Variants in RRM2 observed in about 807,000 individuals in gnomAD.
RRM2 encodes the protein ribonucleoside-diphosphate reductase subunit M2.
RRM2 carries 6 observed loss-of-function variants against 45.9 expected under a neutral mutation model. That is an observed-to-expected ratio of 0.13 (90% confidence interval 0.07 to 0.26). The LOEUF (loss-of-function observed/expected upper bound fraction) is 0.26, where lower values mean the gene tolerates loss of function less well. Ranked by LOEUF, RRM2 falls within the 10% of genes least tolerant of loss-of-function variation. The pLI, the probability that RRM2 is intolerant of heterozygous loss-of-function variation, is 1.00. For synonymous variants in RRM2, 177 were observed against 173.0 expected (o/e 1.02, Z -0.18); for missense variants, 343 against 489.5 (o/e 0.70, Z 2.82).
At chr2:10,210,481 A>G (rs1364218653) in exon 4 of RRM2, 1 of 1,367,864 alleles carries the variant, frequency 7.3e-7, no homozygotes, top group South Asian at 1.1e-5. Flanking sequence ...GTGGGAACTC[A>G]CCAAGAATGC....
intron 3 of RRM2, among the ~76,000 whole-genome samples, chr2:10,148,172 A>G (rs917755594): frequency 4.7e-5 from 7 of 149,034 alleles, no homozygotes; most frequent in Admixed American, 1.3e-4. Flanking sequence ...AAAAAAAAAA[A>G]AGAAATCAGA....
upstream of RRM2, among the ~76,000 whole-genome samples, chr2:10,140,172 G>A (rs1349917491): frequency 8.5e-5 from 13 of 152,250 alleles, no homozygotes; most frequent in African/African-American, 1.7e-4. Context: ...GCGTGAATCC[G>A]GGAGGCGGAG....
chr2:10,125,202 G>A (rs1012377486), intron 5 of RRM2, among the ~76,000 whole-genome samples: 3 of 152,206 alleles, frequency 2.0e-5, no homozygotes, highest in Admixed American at 6.5e-5. Context: ...TGGGATGGAC[G>A]GGGAGGACTT....
chr2:10,131,000 TGAG>T lies in RRM2; in HGVS notation c.*1615_*1617del, dbSNP rs1411061886. On this transcript the variant is annotated 3_prime_UTR_variant, in exon 10 of 10. Transcript: ENST00000304567. ...AGCTGAGACATTGCATGAAAGATGA[TGAG>T]AGATAAATGTTGATCTTTTGGCCCC... 1 of 152,236 alleles carries T rather than the reference TGAG, an allele frequency of 6.6e-6. No individual in the cohort carries two copies. The highest frequency in any genetic ancestry group is 1.5e-5 in the Non-Finnish European group (1 of 68,044). 9.4% of individuals were successfully genotyped at this position (152,236 alleles called of 1,614,324 possible). A position where few individuals can be genotyped will look rare whatever the true frequency, so the allele number is the denominator to read the frequency against.
chr2:10,138,840 G>T (rs1663033422), upstream of RRM2, among the ~76,000 whole-genome samples: 1 of 151,900 alleles, frequency 6.6e-6, no homozygotes, highest in African/African-American at 2.4e-5. Context: ...AGGCGTGGTG[G>T]CTCACGCCTG....
At position 10,197,570 on chromosome 2, in the gene RRM2, A is replaced by AT. The variant is rs1231280047; in HGVS notation, n.483-12740dup. On this transcript the variant is annotated intron_variant and non_coding_transcript_variant, in intron 3 of 3. Coordinates refer to the RRM2 transcript ENST00000381786. ...TGGATGGGTGCACCTGTGGGTGGCCATACCTGCGGGGCGGGCACACCTGCA... is the reference window on the plus strand; with the variant it reads ...TGGATGGGTGCACCTGTGGGTGGCCATTACCTGCGGGGCGGGCACACCTGCA... Among the ~76,000 whole-genome samples, 4 of 151,850 alleles carry AT rather than the reference A, an allele frequency of 2.6e-5. 1 individual carries two copies. Among genetic ancestry groups the AT allele is most frequent in the Middle Eastern group, 6.8e-3 (2 of 294 alleles).
chr2:10,152,017 C>T (rs980314420), intron 3 of RRM2, among the ~76,000 whole-genome samples: 2 of 151,856 alleles, frequency 1.3e-5, no homozygotes, highest in Non-Finnish European at 2.9e-5. Context: ...GGCCCCATCT[C>T]GGCTCACTGC....
rs1261362501 is a variant in RRM2 at position 10,124,910 on chromosome 2, C to T, written c.569+60C>T. On this transcript the variant is annotated intron_variant, in intron 5 of 9. Transcript: ENST00000304567. ...ACTCACTAATTGTTGATTTATTACACATTTTTAGTTCACCTAGGGATAAAA... is the reference window on the plus strand; with the variant it reads ...ACTCACTAATTGTTGATTTATTACATATTTTTAGTTCACCTAGGGATAAAA... 2.0e-6 allele frequency: 3 copies of T among 1,486,484 alleles called. No homozygotes were observed. In the Admixed American group the frequency reaches 5.7e-5, roughly 28 times the overall value. 92.1% of individuals were successfully genotyped at this position (1,486,484 alleles called of 1,614,324 possible).
chr2:10,189,150 C>G (rs1664231388), intron 3 of RRM2, among the ~76,000 whole-genome samples: 1 of 152,254 alleles, frequency 6.6e-6, no homozygotes, highest in African/African-American at 2.4e-5. Flanking sequence ...CTGTCTGGCC[C>G]CAGAACACAC....
intron 3 of RRM2, among the ~76,000 whole-genome samples, chr2:10,194,491 C>T (rs1485672347): frequency 1.3e-5 from 2 of 152,198 alleles, no homozygotes; most frequent in Non-Finnish European, 2.9e-5. Context: ...TAGGCCTGTG[C>T]AGGGCAGGTT....
intron 3 of RRM2, among the ~76,000 whole-genome samples, chr2:10,151,312 TTTG>T (rs3034275): frequency 0.62 from 89,246 of 143,942 alleles, 28,190 homozygotes; most frequent in African/African-American, 0.68. Context: ...TTTTTTTTTT[TTTG>T]TAGACAGAGT....
chr2:10,179,585 T>C (rs1664001308), intron 3 of RRM2, among the ~76,000 whole-genome samples: 1 of 152,230 alleles, frequency 6.6e-6, no homozygotes, highest in African/African-American at 2.4e-5. Context: ...GGTTGTGTGG[T>C]ATTTGCCTCA....
At chr2:10,125,443 C>T (rs1433395047) in intron 5 of RRM2, among the ~76,000 whole-genome samples, 1 of 152,072 alleles carries the variant, frequency 6.6e-6, no homozygotes, top group Non-Finnish European at 1.5e-5. Context: ...CGGTGGTTCT[C>T]GCCTGTAATC....
intron 3 of RRM2, chr2:10,155,201 G>A: frequency 3.4e-6 from 1 of 291,402 alleles, no homozygotes; most frequent in Admixed American, 4.0e-5. Context: ...CTTGATTCAG[G>A]GCCTAATGGG....
At chr2:10,165,203 G>C (rs540199696) in intron 3 of RRM2, among the ~76,000 whole-genome samples, 7 of 152,136 alleles carry the variant, frequency 4.6e-5, no homozygotes, top group African/African-American at 1.7e-4. Flanking sequence ...CGGCTGCCTC[G>C]ACCTCCCAAA....
intron 3 of RRM2, among the ~76,000 whole-genome samples, chr2:10,179,429 A>T (rs1192793407): frequency 1.3e-5 from 2 of 152,090 alleles, no homozygotes; most frequent in African/African-American, 4.8e-5. Context: ...GGGATTACAG[A>T]TGTGAGCCAC....
intron 3 of RRM2, among the ~76,000 whole-genome samples, chr2:10,180,016 A>T (rs1664011614): frequency 6.6e-6 from 1 of 152,126 alleles, no homozygotes; most frequent in Non-Finnish European, 1.5e-5. Context: ...CGGCCCCACC[A>T]ATGACTTTCC....
intron 3 of RRM2, among the ~76,000 whole-genome samples, chr2:10,209,188 G>T (rs1006340729): frequency 6.6e-6 from 1 of 151,818 alleles, no homozygotes; most frequent in Admixed American, 6.6e-5. Context: ...CCCCTGAGTA[G>T]CTGGGATTAT....
chr2:10,171,121 G>A lies in RRM2; in HGVS notation n.482+28746G>A, dbSNP rs964917320. Among the ~76,000 whole-genome samples the A allele has an allele frequency of 3.9e-5, 6 of 152,206 alleles. No homozygotes were observed. The highest frequency in any genetic ancestry group is 1.2e-4 in the African/African-American group (5 of 41,454). On this transcript the variant is annotated intron_variant and non_coding_transcript_variant, in intron 3 of 3. Coordinates refer to the RRM2 transcript ENST00000381786. This position sits in a 1 kb window ranked among gnomAD's most constrained non-coding sequence, Gnocchi z 4.1. ...GGCTGCGCCACTCATTATAGGCTGC[G>A]GGGCCTGCACAGACCCCAGGCATCG...
Sources: gnomAD v4.1 joint callset for allele counts (sites outside exome capture counted in the v4.1 genomes callset) on GRCh38, gnomAD v4.1.1 for gene constraint, Gnocchi (gnomAD v3.1) non-coding constraint, MANE v1.5 for transcripts, NCBI Gene and HGNC (gene_info 2026-07-23, HGNC 2026-07-21) for gene names.